Variants in MSRB3 observed in about 807,000 individuals in gnomAD.
MSRB3 encodes the protein methionine-R-sulfoxide reductase B3.
In MSRB3, 13 loss-of-function variants were observed where a neutral mutation model predicts 21.0. The observed-to-expected ratio is 0.62, with a 90% CI of 0.40 to 0.98. The LOEUF (loss-of-function observed/expected upper bound fraction) is 0.98, where lower values mean the gene tolerates loss of function less well. MSRB3 is among the 50% of genes least tolerant of loss of function. The pLI, the probability that MSRB3 is intolerant of heterozygous loss-of-function variation, is 0.00. For missense variants in MSRB3, 199 were observed against 230.3 expected, an observed-to-expected ratio of 0.86 and a Z score of 0.88; for synonymous variants, 87 against 88.6, an observed-to-expected ratio of 0.98 and a Z score of 0.10.
At position 65,298,042 on chromosome 12, in the gene MSRB3, C is replaced by G. The variant is rs535814694; in HGVS notation, c.-51-10487C>G. On this transcript the variant is annotated intron_variant, in intron 1 of 6. Transcript: ENST00000308259. ...CTTTTGAGTCAGGGCCTCACTTTGT[C>G]ACCCAGGCTGAAGTGCAGTGGCCTG... Among the ~76,000 whole-genome samples the G allele has an allele frequency of 2.0e-5, 3 of 151,526 alleles. No individual in the cohort carries two copies. In the South Asian group the frequency reaches 6.3e-4, roughly 32 times the overall value.
intron 5 of MSRB3, among the ~76,000 whole-genome samples, chr12:65,382,157 T>G (rs994144807): frequency 3.3e-5 from 5 of 152,056 alleles, no homozygotes; most frequent in African/African-American, 1.2e-4. Context: ...ACATTGTGGA[T>G]GGAAGGCTAT....
intron 5 of MSRB3, among the ~76,000 whole-genome samples, chr12:65,393,011 T>C (rs1345320163): frequency 6.6e-6 from 1 of 152,200 alleles, no homozygotes; most frequent in African/African-American, 2.4e-5. Context: ...TTTTGTTTTA[T>C]ATGATTTACT....
chr12:65,320,634 G>C (rs568070621), intron 2 of MSRB3, among the ~76,000 whole-genome samples: 54 of 152,256 alleles, frequency 3.5e-4, no homozygotes, highest in African/African-American at 1.2e-3. Context: ...AAGCAAATTA[G>C]CAGAACCTGC....
At chr12:65,443,219 A>G (rs1304584030) in intron 5 of MSRB3, among the ~76,000 whole-genome samples, 1 of 152,088 alleles carries the variant, frequency 6.6e-6, no homozygotes, top group African/African-American at 2.4e-5. Flanking sequence ...TTAATCTCCA[A>G]AGAGAATAGA....
At chr12:65,456,295 C>T (rs1425168847) in intron 6 of MSRB3, among the ~76,000 whole-genome samples, 1 of 152,150 alleles carries the variant, frequency 6.6e-6, no homozygotes, top group African/African-American at 2.4e-5. Flanking sequence ...TTAAAAGGCA[C>T]AGAAAAATGA....
At chr12:65,300,746 G>A (rs7968483) in intron 1 of MSRB3, among the ~76,000 whole-genome samples, 139 of 152,258 alleles carry the variant, frequency 9.1e-4, no homozygotes, top group African/African-American at 3.0e-3. Context: ...GCTCTGCCCC[G>A]TATCTCCTTA....
chr12:65,291,337 C>T (rs1334243083), intron 1 of MSRB3, among the ~76,000 whole-genome samples: 15 of 152,006 alleles, frequency 9.9e-5, no homozygotes, highest in African/African-American at 3.1e-4. Flanking sequence ...CTGCCCACCT[C>T]GGCCCCCCAA....
chr12:65,365,463 G>A (rs78466787), intron 4 of MSRB3, among the ~76,000 whole-genome samples: 3,545 of 152,254 alleles, frequency 0.023, 141 homozygotes, highest in African/African-American at 0.08. Flanking sequence ...TACATGCAAA[G>A]TGTGAGTTAG....
intron 4 of MSRB3, among the ~76,000 whole-genome samples, chr12:65,334,444 A>G (rs1438472410): frequency 1.3e-5 from 2 of 152,232 alleles, no homozygotes; most frequent in East Asian, 3.8e-4. Context: ...AAAGAATTAT[A>G]GTAGAATGAA....
At chr12:65,324,103 A>G (rs1421402715) in intron 2 of MSRB3, among the ~76,000 whole-genome samples, 1 of 152,220 alleles carries the variant, frequency 6.6e-6, no homozygotes, top group Non-Finnish European at 1.5e-5. Context: ...TTAAAGGACA[A>G]ACCTCACTTA....
At chr12:65,455,671 G>A (rs1217023198) in intron 6 of MSRB3, among the ~76,000 whole-genome samples, 1 of 152,170 alleles carries the variant, frequency 6.6e-6, no homozygotes, top group East Asian at 1.9e-4. Context: ...TAGACAGGTT[G>A]AAAAGAGTCA....
At chr12:65,444,074 G>A (rs1882505533) in intron 5 of MSRB3, among the ~76,000 whole-genome samples, 1 of 152,012 alleles carries the variant, frequency 6.6e-6, no homozygotes, top group Non-Finnish European at 1.5e-5. Flanking sequence ...AGTAATCATG[G>A]TCTCATAGTA....
At chr12:65,397,967 C>T (rs534636914) in intron 5 of MSRB3, among the ~76,000 whole-genome samples, 2 of 152,302 alleles carry the variant, frequency 1.3e-5, no homozygotes, top group African/African-American at 4.8e-5. Context: ...CATAGTATTC[C>T]ATGATGTATA....
intron 5 of MSRB3, chr12:65,420,084 G>A (rs1592620278): frequency 4.2e-6 from 2 of 478,260 alleles, no homozygotes; most frequent in Non-Finnish European, 8.3e-6. Context: ...CTTGAGTTTT[G>A]TATGGTGTGA....
At chr12:65,343,231 C>T (rs999736135) in intron 4 of MSRB3, among the ~76,000 whole-genome samples, 17 of 152,084 alleles carry the variant, frequency 1.1e-4, no homozygotes, top group African/African-American at 3.6e-4. Flanking sequence ...TACTCACATT[C>T]GTGGTAGATA....
At chr12:65,425,418 G>A (rs1881549651) in intron 5 of MSRB3, among the ~76,000 whole-genome samples, 1 of 151,980 alleles carries the variant, frequency 6.6e-6, no homozygotes, top group African/African-American at 2.4e-5. Context: ...TTGTTTTGTA[G>A]ATTCATTTTT....
chr12:65,376,310 G>A (rs1038478494), intron 5 of MSRB3, among the ~76,000 whole-genome samples: 1 of 151,910 alleles, frequency 6.6e-6, no homozygotes, highest in Admixed American at 6.6e-5. Context: ...TAGTAGAGAC[G>A]GGGTTTCACC....
At chr12:65,446,699 C>A (rs543220610) in intron 5 of MSRB3, among the ~76,000 whole-genome samples, 1 of 149,692 alleles carries the variant, frequency 6.7e-6, no homozygotes, top group East Asian at 2.0e-4. Flanking sequence ...GGGTAGGGAG[C>A]CTTTAGAAAA....
intron 2 of MSRB3, among the ~76,000 whole-genome samples, chr12:65,317,452 A>C (rs556876146): frequency 8.8e-4 from 134 of 152,290 alleles, no homozygotes; most frequent in African/African-American, 3.0e-3. Flanking sequence ...CAGCATAAGA[A>C]AATCTCTGAG....
Sources: allele counts gnomAD v4.1 joint callset (sites outside exome capture counted in the v4.1 genomes callset), GRCh38; gene constraint gnomAD v4.1.1; transcripts MANE v1.5; gene names NCBI Gene and HGNC (gene_info 2026-07-23, HGNC 2026-07-21).